ADAMTS3: variants seen among roughly 807,000 people sequenced by gnomAD.
ADAMTS3 encodes the protein A disintegrin and metalloproteinase with thrombospondin motifs 3.
ADAMTS3 carries 73 observed loss-of-function variants against 129.0 expected under a neutral mutation model. The observed-to-expected ratio is 0.57, with a 90% CI of 0.47 to 0.69. The LOEUF is 0.69. Ranked by LOEUF, ADAMTS3 falls within the 30% of genes least tolerant of loss-of-function variation. The pLI is 0.00. For missense variants in ADAMTS3, 1,457 were observed against 1,514.5 expected, an observed-to-expected ratio of 0.96 and a Z score of 0.63; for synonymous variants, 477 against 510.8, an observed-to-expected ratio of 0.93 and a Z score of 0.89.
rs1721249554 is a variant in ADAMTS3 at position 72,538,984 on chromosome 4, C to T, written c.504+9494G>A. Among the ~76,000 whole-genome samples the T allele has an allele frequency of 3.9e-5, 6 of 152,152 alleles. No individual in the cohort carries two copies. In the South Asian group the frequency reaches 1.2e-3, roughly 32 times the overall value. ...ACATGCCCAAAGCATAAAGCTGGAT[C>T]CTTACCTAACACCATATACAAAAAT... is the stretch of plus-strand genomic sequence containing the variant. On this transcript the variant is annotated intron_variant, in intron 3 of 21. Transcript: ENST00000286657.
intron 2 of ADAMTS3, among the ~76,000 whole-genome samples, chr4:72,566,168 G>C (rs1015888822): frequency 2.0e-5 from 3 of 152,072 alleles, no homozygotes; most frequent in Non-Finnish European, 4.4e-5. Flanking sequence ...TCTTGCCGTC[G>C]AGGTCTAAGC....
intron 3 of ADAMTS3, among the ~76,000 whole-genome samples, chr4:72,472,676 A>G (rs142716027): frequency 6.6e-6 from 1 of 152,144 alleles, no homozygotes; most frequent in Non-Finnish European, 1.5e-5. Context: ...AGAACCCCCA[A>G]TATATAACAG....
intron 4 of ADAMTS3, among the ~76,000 whole-genome samples, chr4:72,382,517 C>G (rs11737100): frequency 0.56 from 84,921 of 151,856 alleles, 27,899 homozygotes; most frequent in Non-Finnish European, 0.75. Flanking sequence ...TTTGACCCAG[C>G]AATCTCGCTA....
At chr4:72,486,894 A>G (rs952887203) in intron 3 of ADAMTS3, among the ~76,000 whole-genome samples, 4 of 152,166 alleles carry the variant, frequency 2.6e-5, no homozygotes, top group Non-Finnish European at 4.4e-5. Flanking sequence ...AAAAGGTAGA[A>G]GGGCAAAATA....
chr4:72,503,143 C>A (rs557136743), intron 3 of ADAMTS3, among the ~76,000 whole-genome samples: 2 of 152,206 alleles, frequency 1.3e-5, no homozygotes, highest in Admixed American at 1.3e-4. Context: ...CTGCCTCAGC[C>A]TCCCAAGTAG....
At chr4:72,343,593 G>A in intron 4 of ADAMTS3, among the ~76,000 whole-genome samples, 1 of 152,098 alleles carries the variant, frequency 6.6e-6, no homozygotes, top group East Asian at 1.9e-4. Flanking sequence ...GAGCCTTTAG[G>A]GAGACGGATT....
At chr4:72,537,848 A>G (rs1721221100) in intron 3 of ADAMTS3, among the ~76,000 whole-genome samples, 1 of 152,238 alleles carries the variant, frequency 6.6e-6, no homozygotes, top group South Asian at 2.1e-4. Context: ...ATACTTTAAA[A>G]CAAGTGTCTT....
chr4:72,560,295 G>C (rs1366010613), intron 2 of ADAMTS3, among the ~76,000 whole-genome samples: 1 of 149,724 alleles, frequency 6.7e-6, no homozygotes, highest in Non-Finnish European at 1.5e-5. Context: ...CACAGACAAA[G>C]ATTTCATAAC....
chr4:72,418,759 A>C (rs1299235193), intron 3 of ADAMTS3, among the ~76,000 whole-genome samples: 2 of 152,186 alleles, frequency 1.3e-5, no homozygotes, highest in Non-Finnish European at 2.9e-5. Context: ...AACCTCCAAA[A>C]AGATCATGCC....
Position 72,505,948 on chromosome 4 carries a change from T to A in ADAMTS3, c.504+42530A>T, listed in dbSNP as rs72853062. ...TGGAGATGGTGTCCCTGCACCAACA[T>A]CTCTGAACAAAAAGAGTGGGGCAAT... On this transcript the variant is annotated intron_variant, in intron 3 of 21. Transcript: ENST00000286657. Among the ~76,000 whole-genome samples the A allele has an allele frequency of 6.2e-3, 942 of 152,258 alleles. 18 individuals are homozygous for A. The highest frequency in any genetic ancestry group is 0.022 in the African/African-American group (895 of 41,550).
intron 11 of ADAMTS3, among the ~76,000 whole-genome samples, chr4:72,314,083 TAAGC>T (rs1719320953): frequency 6.6e-6 from 1 of 152,164 alleles, no homozygotes; most frequent in Non-Finnish European, 1.5e-5. Flanking sequence ...CATTCACCAG[TAAGC>T]ATCAAACACT....
intron 4 of ADAMTS3, among the ~76,000 whole-genome samples, chr4:72,364,977 C>T (rs1372552683): frequency 6.6e-6 from 1 of 152,096 alleles, no homozygotes; most frequent in Non-Finnish European, 1.5e-5. Context: ...TTTTGCTTCC[C>T]CTATTAATTC....
intron 10 of ADAMTS3, among the ~76,000 whole-genome samples, chr4:72,316,278 A>G (rs1477056662): frequency 6.6e-6 from 1 of 152,190 alleles, no homozygotes; most frequent in African/African-American, 2.4e-5. Context: ...TTTTCTAAAG[A>G]CTTAGTAATT....
chr4:72,283,089 G>C lies in ADAMTS3; in HGVS notation c.*47C>G, dbSNP rs377488603. 2.0e-6 allele frequency: 3 copies of C among 1,486,510 alleles called. No individual in the cohort carries two copies. Among genetic ancestry groups the C allele is most frequent in the Non-Finnish European group, 2.7e-6 (3 of 1,092,264 alleles). 92.1% of individuals were successfully genotyped at this position (1,486,510 alleles called of 1,614,324 possible). On this transcript the variant is annotated 3_prime_UTR_variant, in exon 22 of 22. Coordinates refer to ENST00000286657, the MANE Select transcript of ADAMTS3 (RefSeq NM_014243.3). ...AGCATATGCACCATGGGAAGAGAGA[G>C]GTTGTCCAGGTTTTCCTCTGGTTTC...
In ADAMTS3 at chr4:72,417,858, G is replaced by C. The variant is rs182539215; in HGVS notation, c.505-2887C>G. Among the ~76,000 whole-genome samples, 1,159 of 141,352 alleles carry C rather than the reference G, an allele frequency of 8.2e-3. 19 individuals are homozygous for C. The highest frequency in any genetic ancestry group is 0.028 in the African/African-American group (1,097 of 38,946). 92.7% of individuals were successfully genotyped at this position (141,352 alleles called of 152,430 possible). A position where few individuals can be genotyped will look rare whatever the true frequency, so the allele number is the denominator to read the frequency against. ...TGAGGCAGGAGAATGGCGTGAACCC[G>C]GGAGGCGGAGCTTGCAGTGAGCCGA... On this transcript the variant is annotated intron_variant, in intron 3 of 21. Transcript: ENST00000286657.
At chr4:72,331,422 T>C (rs995845809) in intron 5 of ADAMTS3, among the ~76,000 whole-genome samples, 4 of 152,188 alleles carry the variant, frequency 2.6e-5, no homozygotes, top group African/African-American at 9.6e-5. Context: ...GTTCATAGCA[T>C]AGTGTGTAAC....
Position 72,368,062 on chromosome 4 carries a change from A to G in ADAMTS3, c.662-28369T>C, listed in dbSNP as rs116010009. The stretch of plus-strand genomic sequence containing the variant: ...AGATACTCGTAAATGTTTAGTGTTA[A>G]ATGTCAAAATGTACGCTAAAACATG... On this transcript the variant is annotated intron_variant, in intron 4 of 21. Coordinates refer to ENST00000286657, the MANE Select transcript of ADAMTS3 (RefSeq NM_014243.3). 8.1e-3 allele frequency among the ~76,000 whole-genome samples: 1,237 copies of G among 152,320 alleles called. 9 individuals are homozygous for G. Among genetic ancestry groups the G allele is most frequent in the Non-Finnish European group, 0.012 (822 of 68,018 alleles).
At chr4:72,318,079 A>AC (rs1197051005) in intron 10 of ADAMTS3, among the ~76,000 whole-genome samples, 3 of 151,752 alleles carry the variant, frequency 2.0e-5, no homozygotes, top group Non-Finnish European at 2.9e-5. Context: ...CACTGTCCTG[A>AC]CCCCCATGGT....
At position 72,321,308 on chromosome 4, in the gene ADAMTS3, A is replaced by T. The variant is rs534691889; in HGVS notation, c.946-438T>A. ...TGCCTCAGCCTCCTGAGTAGCTGGG[A>T]TTACAGGCGCCCACCACCATTCCTG... On this transcript the variant is annotated intron_variant, in intron 6 of 21. Coordinates refer to ENST00000286657, the MANE Select transcript of ADAMTS3 (RefSeq NM_014243.3). 4.1e-4 allele frequency among the ~76,000 whole-genome samples: 62 copies of T among 151,412 alleles called. 1 individual carries two copies. The South Asian group carries it at 0.013, about 32-fold the overall frequency.
Sources: allele counts gnomAD v4.1 joint callset (sites outside exome capture counted in the v4.1 genomes callset), GRCh38; gene constraint gnomAD v4.1.1; transcripts MANE v1.5; gene names NCBI Gene and HGNC (gene_info 2026-07-23, HGNC 2026-07-21).